Variants in ADGRV1 observed in about 807,000 individuals in gnomAD.
The protein encoded by ADGRV1 is adhesion G protein-coupled receptor V1.
ADGRV1 carries 359 observed loss-of-function variants against 596.2 expected under a neutral mutation model. That is an observed-to-expected ratio of 0.60 (90% confidence interval 0.55 to 0.66). The LOEUF (loss-of-function observed/expected upper bound fraction) is 0.66, where lower values mean the gene tolerates loss of function less well. Among genes scored for constraint, ADGRV1 ranks in the 30% least tolerant of loss-of-function variants. The probability of loss-of-function intolerance (pLI) is 0.00; values close to 1 mark genes in which losing one functional copy is unlikely to be tolerated. For synonymous variants in ADGRV1, 2,681 were observed against 2,679.2 expected (o/e 1.00, Z -0.02); for missense variants, 7,274 against 7,575.6 (o/e 0.96, Z 1.48).
chr5:91,035,512 G>A (rs1784790144), intron 85 of ADGRV1, among the ~76,000 whole-genome samples: 1 of 151,948 alleles, frequency 6.6e-6, no homozygotes, highest in South Asian at 2.1e-4. Flanking sequence ...GGTTTTATTA[G>A]ATAATGAAAA....
In ADGRV1 at chr5:90,692,673, T is replaced by A; in HGVS notation, c.7020T>A (p.Ile2340=). The A allele has an allele frequency of 6.2e-7, 1 of 1,611,476 alleles. No homozygotes were observed. The highest frequency in any genetic ancestry group is 8.5e-7 in the Non-Finnish European group (1 of 1,178,796). ...TTGGGTTAGATCGAATTGCAAATAT[T>A]ATTATTCCTGCCAATGATGATCCTT... ...GTIGLDRIAN[I]IIPANDDPYG... The change falls in exon 32 of 90, where the codon ATT becomes ATA. Residue 2340 remains isoleucine, a synonymous_variant. Transcript: ENST00000405460.
intron 1 of ADGRV1, among the ~76,000 whole-genome samples, chr5:90,585,940 C>T (rs1758702522): frequency 6.6e-6 from 1 of 152,112 alleles, no homozygotes; most frequent in South Asian, 2.1e-4. Flanking sequence ...AACCAGTTGG[C>T]CAGCCGAGTG....
intron 83 of ADGRV1, among the ~76,000 whole-genome samples, chr5:90,942,625 G>C (rs1776253611): frequency 6.6e-6 from 1 of 152,106 alleles, no homozygotes; most frequent in Non-Finnish European, 1.5e-5. Context: ...TCTAGGGACT[G>C]GCAAAAGGGG....
chr5:90,918,411 T>C (rs552576985), intron 83 of ADGRV1, among the ~76,000 whole-genome samples: 22 of 152,340 alleles, frequency 1.4e-4, no homozygotes, highest in African/African-American at 5.1e-4. Flanking sequence ...GGTTTCAATG[T>C]TCGGGCTATT....
chr5:91,079,933 C>A (rs997092071), intron 86 of ADGRV1, among the ~76,000 whole-genome samples: 3 of 152,104 alleles, frequency 2.0e-5, no homozygotes, highest in African/African-American at 7.2e-5. Context: ...TGTGCATCTC[C>A]CTTTGCACCT....
chr5:90,912,126 T>G (rs1561929761), intron 83 of ADGRV1, among the ~76,000 whole-genome samples: 1 of 152,088 alleles, frequency 6.6e-6, no homozygotes. Context: ...ATGAGCTGTT[T>G]TTATTATCAG....
At chr5:90,799,105 G>C (rs1424620398) in intron 70 of ADGRV1, among the ~76,000 whole-genome samples, 3 of 152,168 alleles carry the variant, frequency 2.0e-5, no homozygotes, top group East Asian at 3.8e-4. Flanking sequence ...AGGAGTAAAG[G>C]ATATTCAAAT....
chr5:90,772,708 A>T (rs978656200), intron 59 of ADGRV1, among the ~76,000 whole-genome samples: 1 of 152,214 alleles, frequency 6.6e-6, no homozygotes, highest in Non-Finnish European at 1.5e-5. Context: ...GAATAGAGGA[A>T]CCAACTGTAT....
At chr5:90,682,056 G>A (rs1358686861) in intron 27 of ADGRV1, among the ~76,000 whole-genome samples, 1 of 151,944 alleles carries the variant, frequency 6.6e-6, no homozygotes, top group Non-Finnish European at 1.5e-5. Context: ...AGTAGAGACG[G>A]GGTTTCTCCA....
intron 1 of ADGRV1, among the ~76,000 whole-genome samples, chr5:90,614,426 C>T (rs988511345): frequency 1.3e-5 from 2 of 152,100 alleles, no homozygotes; most frequent in African/African-American, 4.8e-5. Context: ...AATTTGGCTT[C>T]AACTGTTTCA....
Position 90,627,243 on chromosome 5 carries a change from A to T in ADGRV1, c.705A>T (p.Gln235His), listed in dbSNP as rs372853480. Residue 235 changes from glutamine (Q) to histidine (H), a missense_variant, in exon 7 of 90, where the codon CAA becomes CAT. Transcript: ENST00000405460. ...VPENDEIFLI[Q>H]LKSVEGGAEI... ...AAAATGATGAAATATTTTTAATTCA[A>T]CTGAAAAGTGTAGAAGGAGGAGCTG... 2.6e-6 allele frequency: 4 copies of T among 1,557,692 alleles called. No homozygotes were observed. The Admixed American group carries it at 5.8e-5, about 23-fold the overall frequency.
chr5:91,163,766 T>G lies in ADGRV1; in HGVS notation c.18803-16T>G. ...TAATAGTTTGGATTTTTGTGTTCATTCTATTTCTGTGGCAGGTGCTGGTCT... is the reference window on the plus strand; with the variant it reads ...TAATAGTTTGGATTTTTGTGTTCATGCTATTTCTGTGGCAGGTGCTGGTCT... On this transcript the variant is annotated splice_polypyrimidine_tract_variant and intron_variant, in intron 89 of 89. Transcript: ENST00000405460. The G allele has an allele frequency of 8.3e-7, 1 of 1,198,612 alleles. No individual in the cohort carries two copies. Among genetic ancestry groups the G allele is most frequent in the Non-Finnish European group, 1.2e-6 (1 of 825,056 alleles). 74.2% of individuals were successfully genotyped at this position (1,198,612 alleles called of 1,614,324 possible).
chr5:90,970,455 C>T (rs915220829), intron 84 of ADGRV1, among the ~76,000 whole-genome samples: 4 of 152,104 alleles, frequency 2.6e-5, no homozygotes, highest in African/African-American at 9.7e-5. Flanking sequence ...CCCAAGTAGC[C>T]TAACTGGGAG....
chr5:90,950,470 C>T (rs553375316), intron 83 of ADGRV1, among the ~76,000 whole-genome samples: 6 of 151,988 alleles, frequency 3.9e-5, no homozygotes, highest in East Asian at 1.9e-4. Context: ...TACAGGTGCC[C>T]GTCACCATGC....
chr5:91,080,682 G>A (rs1017347033), intron 86 of ADGRV1, among the ~76,000 whole-genome samples: 2 of 148,526 alleles, frequency 1.3e-5, no homozygotes, highest in Non-Finnish European at 3.0e-5. Context: ...AAGAAAGATT[G>A]CCCCTCTTTA....
Position 91,164,145 on chromosome 5 carries a change from T to TGCAG in ADGRV1, c.*245_*246insGCAG, listed in dbSNP as rs765954339. On this transcript the variant is annotated 3_prime_UTR_variant, in exon 90 of 90. Transcript: ENST00000405460. ...GATGTTCATATTCCAAGGATATTAGTTGTTTTTTTAATCATCCTATATGGC... is the reference window on the plus strand; with the variant it reads ...GATGTTCATATTCCAAGGATATTAGTGCAGTGTTTTTTTAATCATCCTATATGGC... 1.8e-6 allele frequency: 1 copy of TGCAG among 559,862 alleles called. No homozygotes were observed. 34.7% of individuals were successfully genotyped at this position (559,862 alleles called of 1,614,324 possible). A position where few individuals can be genotyped will look rare whatever the true frequency, so the allele number is the denominator to read the frequency against.
chr5:90,956,385 A>G (rs1258351979), intron 83 of ADGRV1, among the ~76,000 whole-genome samples: 2 of 152,174 alleles, frequency 1.3e-5, no homozygotes, highest in Non-Finnish European at 2.9e-5. Context: ...ATTATCTAAA[A>G]TCTGAATTTT....
Position 90,631,234 on chromosome 5 carries a change from T to C in ADGRV1, c.1839+1695T>C, listed in dbSNP as rs1765457307. Among the ~76,000 whole-genome samples, 3 of 152,198 alleles carry C rather than the reference T, an allele frequency of 2.0e-5. No homozygotes were observed. In the South Asian group the frequency reaches 6.2e-4, roughly 32 times the overall value. On this transcript the variant is annotated intron_variant, in intron 9 of 89. Transcript: ENST00000405460. ...TTTTAGATAACTCGATCTTTGTCTC[T>C]GAAAGCTTTTTACAACTGTTCCTTG...
chr5:90,670,355 A>G (rs527591225), intron 21 of ADGRV1, among the ~76,000 whole-genome samples: 1 of 152,308 alleles, frequency 6.6e-6, no homozygotes, highest in East Asian at 1.9e-4. Context: ...CCACTTAGCC[A>G]TTTATCTTTT....
Sources: gnomAD v4.1 joint callset for allele counts (sites outside exome capture counted in the v4.1 genomes callset) on GRCh38, gnomAD v4.1.1 for gene constraint, MANE v1.5 for transcripts, NCBI Gene and HGNC (gene_info 2026-07-23, HGNC 2026-07-21) for gene names.